ADGRL3: variants seen among roughly 807,000 people sequenced by gnomAD.
ADGRL3 encodes calcium-independent alpha-latrotoxin receptor 3.
In ADGRL3, 62 loss-of-function variants were observed where a neutral mutation model predicts 153.5. That is an observed-to-expected ratio of 0.40 (90% CI 0.33 to 0.50). The LOEUF (loss-of-function observed/expected upper bound fraction) is 0.50. ADGRL3 is among the 20% of genes least tolerant of loss of function. The pLI, the probability that ADGRL3 is intolerant of heterozygous loss-of-function variation, is 0.47. For synonymous variants in ADGRL3, 710 were observed against 672.5 expected (o/e 1.06, Z -0.86); for missense variants, 1,641 against 1,859.4 (o/e 0.88, Z 2.16).
intron 1 of ADGRL3, among the ~76,000 whole-genome samples, chr4:61,343,658 T>C (rs957537669): frequency 6.6e-6 from 1 of 152,278 alleles, no homozygotes; most frequent in East Asian, 1.9e-4. Context: ...GAAAAAAAAG[T>C]TCCACAGTCA....
At chr4:61,417,553 C>T (rs565551194) in intron 2 of ADGRL3, among the ~76,000 whole-genome samples, 1 of 150,436 alleles carries the variant, frequency 6.6e-6, no homozygotes, top group East Asian at 2.0e-4. Flanking sequence ...TCGCCATAGA[C>T]AGTTTGTGAA....
At chr4:61,589,638 T>C (rs550967548) in intron 5 of ADGRL3, among the ~76,000 whole-genome samples, 136 of 152,204 alleles carry the variant, frequency 8.9e-4, no homozygotes, top group African/African-American at 3.0e-3. Flanking sequence ...GCATGTCTTA[T>C]GAAGGATTAT....
At chr4:61,599,231 G>C (rs1428280329) in intron 5 of ADGRL3, among the ~76,000 whole-genome samples, 1 of 152,228 alleles carries the variant, frequency 6.6e-6, no homozygotes, top group East Asian at 1.9e-4. Context: ...AGGCCCATCT[G>C]TCTAGATTCT....
chr4:62,044,412 C>T, intron 24 of ADGRL3, 41 bp from the exon 25 acceptor site: 1 of 1,225,692 alleles, frequency 8.2e-7, no homozygotes, highest in Non-Finnish European at 1.2e-6. Flanking sequence ...AAATTCACTG[C>T]ATCATGAGTT....
chr4:61,354,864 G>A (rs2096131270), intron 1 of ADGRL3, among the ~76,000 whole-genome samples: 1 of 151,976 alleles, frequency 6.6e-6, no homozygotes, highest in Non-Finnish European at 1.5e-5. Context: ...TTGAACAGTG[G>A]TATAGTTTTG....
At chr4:61,749,287 T>C (rs2096718774) in intron 8 of ADGRL3, among the ~76,000 whole-genome samples, 4 of 151,810 alleles carry the variant, frequency 2.6e-5, no homozygotes, top group Admixed American at 2.6e-4. Context: ...TCAACCATCG[T>C]GGAAGTCAGT....
intron 5 of ADGRL3, among the ~76,000 whole-genome samples, chr4:61,590,420 G>A (rs2098964807): frequency 6.6e-6 from 1 of 151,884 alleles, no homozygotes; most frequent in Non-Finnish European, 1.5e-5. Context: ...ATCTAAATAT[G>A]AAAATTACAG....
chr4:61,306,139 C>G (rs2094776494), intron 1 of ADGRL3, among the ~76,000 whole-genome samples: 1 of 151,356 alleles, frequency 6.6e-6, no homozygotes, highest in Non-Finnish European at 1.5e-5. Context: ...GCTCTGTCAC[C>G]CAGGCTGGAG....
At chr4:61,337,512 G>C (rs1008650777) in intron 1 of ADGRL3, among the ~76,000 whole-genome samples, 13 of 152,144 alleles carry the variant, frequency 8.5e-5, no homozygotes, top group African/African-American at 3.1e-4. Flanking sequence ...CTTCTCAGGG[G>C]TCTTGCAGAG....
chr4:62,005,183 T>C (rs982924713), intron 21 of ADGRL3, among the ~76,000 whole-genome samples: 1 of 152,204 alleles, frequency 6.6e-6, no homozygotes, highest in Non-Finnish European at 1.5e-5. Flanking sequence ...CTGTTCATTC[T>C]GCAAGTGTTA....
chr4:61,671,974 G>C (rs1249825725), intron 5 of ADGRL3, among the ~76,000 whole-genome samples: 3 of 152,044 alleles, frequency 2.0e-5, no homozygotes, highest in African/African-American at 7.2e-5. Context: ...TGACAAATAG[G>C]TTTAAAAGTA....
At chr4:61,546,471 A>C (rs1478382238) in intron 4 of ADGRL3, among the ~76,000 whole-genome samples, 2 of 152,140 alleles carry the variant, frequency 1.3e-5, no homozygotes, top group Non-Finnish European at 2.9e-5. Context: ...TAACTACTCC[A>C]AGATTATTAT....
intron 1 of ADGRL3, among the ~76,000 whole-genome samples, chr4:61,334,372 A>G (rs887791447): frequency 1.3e-5 from 2 of 152,218 alleles, no homozygotes; most frequent in African/African-American, 4.8e-5. Flanking sequence ...AACCCTAGAA[A>G]TAAACTCTGA....
At chr4:61,396,456 A>G (rs1011638104) in intron 2 of ADGRL3, among the ~76,000 whole-genome samples, 4 of 151,990 alleles carry the variant, frequency 2.6e-5, no homozygotes, top group African/African-American at 7.2e-5. Flanking sequence ...CAAATTACAT[A>G]ATCACATTTG....
intron 1 of ADGRL3, among the ~76,000 whole-genome samples, chr4:61,233,817 C>T (rs927326156): frequency 6.6e-6 from 1 of 151,940 alleles, no homozygotes. Flanking sequence ...CAAGTAGTAG[C>T]CATGGAAATG....
intron 23 of ADGRL3, 139 bp downstream of exon 23, chr4:62,031,749 C>T (rs1188057665): frequency 1.7e-6 from 1 of 575,256 alleles, no homozygotes; most frequent in African/African-American, 1.9e-5. Flanking sequence ...AACAGTAAAG[C>T]AAAACAAACA....
At chr4:61,597,853 T>C (rs1484494102) in intron 5 of ADGRL3, among the ~76,000 whole-genome samples, 1 of 152,076 alleles carries the variant, frequency 6.6e-6, no homozygotes, top group Non-Finnish European at 1.5e-5. Flanking sequence ...CAAATATCTG[T>C]CTTTTTATTA....
chr4:61,939,992 C>T (rs575462188), intron 15 of ADGRL3, among the ~76,000 whole-genome samples: 200 of 148,816 alleles, frequency 1.3e-3, no homozygotes, highest in Non-Finnish European at 2.7e-3. Context: ...AGGTTAGTTA[C>T]ATATGTATAC....
Position 61,930,068 on chromosome 4 carries a change from C to T in ADGRL3, c.2113-4772C>T, listed in dbSNP as rs374298789. ...ACGGGCGCCTGTAGTCCCAGCTACT[C>T]GGGAGGTTGAGGCAGGAGAATGGCA... is the stretch of plus-strand genomic sequence containing the variant. On this transcript the variant is annotated intron_variant, in intron 13 of 26. Coordinates refer to ENST00000683033, the MANE Select transcript of ADGRL3 (RefSeq NM_001387552.1). Among the ~76,000 whole-genome samples, 28 of 150,832 alleles carry T rather than the reference C, an allele frequency of 1.9e-4. No homozygotes were observed. In the East Asian group the frequency reaches 2.6e-3, roughly 14 times the overall value.
Sources: gnomAD v4.1 joint callset for allele counts (sites outside exome capture counted in the v4.1 genomes callset) on GRCh38, gnomAD v4.1.1 for gene constraint, MANE v1.5 for transcripts, NCBI Gene and HGNC (gene_info 2026-07-23, HGNC 2026-07-21) for gene names.